Variants in ASIC2 observed in about 807,000 individuals in gnomAD.
The protein encoded by ASIC2 is acid sensing ion channel subunit 2, also known as acid-sensing ion channel 2.
Under a neutral mutation model 57.3 loss-of-function variants are expected in ASIC2, and 25 were observed. That is an observed-to-expected ratio of 0.44 (90% CI 0.32 to 0.61). The LOEUF (loss-of-function observed/expected upper bound fraction) is 0.61, where lower values mean the gene tolerates loss of function less well. Among genes scored for constraint, ASIC2 ranks in the 20% least tolerant of loss-of-function variants. The pLI, the probability that ASIC2 is intolerant of heterozygous loss-of-function variation, is 0.06. For synonymous variants in ASIC2, 319 were observed against 307.5 expected, an observed-to-expected ratio of 1.04 and a Z score of -0.39; for missense variants, 641 against 738.1, an observed-to-expected ratio of 0.87 and a Z score of 1.52.
At chr17:34,060,115 G>A (rs1485899621) in intron 1 of ASIC2, among the ~76,000 whole-genome samples, 1 of 152,158 alleles carries the variant, frequency 6.6e-6, no homozygotes, top group Non-Finnish European at 1.5e-5. Context: ...ACCTCCACCA[G>A]AACAGGTGCT....
At chr17:33,971,529 C>T (rs941691390) in intron 1 of ASIC2, among the ~76,000 whole-genome samples, 45 of 152,162 alleles carry the variant, frequency 3.0e-4, no homozygotes, top group African/African-American at 1.0e-3. Flanking sequence ...GCATAATGAA[C>T]ATTCCTCTGA....
intron 1 of ASIC2, among the ~76,000 whole-genome samples, chr17:33,645,256 T>C (rs1048937311): frequency 6.6e-6 from 1 of 152,186 alleles, no homozygotes; most frequent in African/African-American, 2.4e-5. Context: ...CCTAATTCAG[T>C]GCTCCTTCTA....
At chr17:33,121,807 C>T (rs1415628570) in intron 1 of ASIC2, among the ~76,000 whole-genome samples, 1 of 152,176 alleles carries the variant, frequency 6.6e-6, no homozygotes, top group Non-Finnish European at 1.5e-5. Flanking sequence ...TTAGCTTTCA[C>T]AGAGTGGATA....
In ASIC2 at chr17:33,427,635, G is replaced by A. The variant is rs116203053; in HGVS notation, c.556-315568C>T. Among the ~76,000 whole-genome samples the A allele has an allele frequency of 3.5e-3, 530 of 152,222 alleles. 7 individuals are homozygous for A. Among genetic ancestry groups the A allele is most frequent in the African/African-American group, 0.012 (495 of 41,524 alleles). ...ATCTATTAAAGGGGAAATGTCCCAG[G>A]GAGGCTCACTCTTTGAGCTAAGCAA... is the stretch of plus-strand genomic sequence containing the variant. On this transcript the variant is annotated intron_variant, in intron 1 of 9. Transcript: ENST00000359872.
chr17:33,900,565 A>T (rs1008539660), intron 1 of ASIC2, among the ~76,000 whole-genome samples: 21 of 152,172 alleles, frequency 1.4e-4, no homozygotes, highest in East Asian at 5.8e-4. Flanking sequence ...GTAAAAAAAA[A>T]TTTTTTAATC....
rs141484075 is a variant in ASIC2, at chr17:33,167,983, T to C, written c.709-55916A>G. On this transcript the variant is annotated intron_variant, in intron 1 of 9. Transcript: ENST00000225823. ...GAGCATTTAAGAGGTAATTACACTATGAGGGCTCTGCCCTCATTAAATGCA... is the reference window on the plus strand; with the variant it reads ...GAGCATTTAAGAGGTAATTACACTACGAGGGCTCTGCCCTCATTAAATGCA... Among the ~76,000 whole-genome samples the C allele has an allele frequency of 1.3e-3, 198 of 152,382 alleles. 1 individual carries two copies. The highest frequency in any genetic ancestry group is 3.5e-3 in the South Asian group (17 of 4,828).
intron 1 of ASIC2, among the ~76,000 whole-genome samples, chr17:33,260,939 A>G (rs1469449803): frequency 6.6e-6 from 1 of 152,130 alleles, no homozygotes; most frequent in African/African-American, 2.4e-5. Context: ...TTCGATAGGA[A>G]CCACCTCTTC....
chr17:33,139,935 G>A (rs932899189), intron 1 of ASIC2, among the ~76,000 whole-genome samples: 4 of 152,190 alleles, frequency 2.6e-5, no homozygotes, highest in Non-Finnish European at 4.4e-5. Context: ...GGACTAACAC[G>A]TTTTGCCCCA....
chr17:33,812,441 G>T (rs1186868206), intron 1 of ASIC2, among the ~76,000 whole-genome samples: 1 of 152,148 alleles, frequency 6.6e-6, no homozygotes, highest in African/African-American at 2.4e-5. Flanking sequence ...GGAGAGGAGA[G>T]CAAGACAATA....
intron 1 of ASIC2, among the ~76,000 whole-genome samples, chr17:33,648,143 G>C (rs1906804142): frequency 6.6e-6 from 1 of 152,192 alleles, no homozygotes; most frequent in Non-Finnish European, 1.5e-5. Flanking sequence ...GATGAACAGA[G>C]TCCAGTGGAG....
chr17:33,165,093 C>T (rs1905268809), intron 1 of ASIC2, among the ~76,000 whole-genome samples: 1 of 152,212 alleles, frequency 6.6e-6, no homozygotes, highest in African/African-American at 2.4e-5. Context: ...AGAACCTGGA[C>T]ACTGGCTCAG....
chr17:33,859,739 G>A (rs1322081632), intron 1 of ASIC2, among the ~76,000 whole-genome samples: 1 of 152,156 alleles, frequency 6.6e-6, no homozygotes. Context: ...AGAGTGCAGT[G>A]GTGTGATCAT....
At chr17:33,340,484 A>G (rs1049991466) in intron 1 of ASIC2, among the ~76,000 whole-genome samples, 2 of 152,192 alleles carry the variant, frequency 1.3e-5, no homozygotes, top group African/African-American at 4.8e-5. Flanking sequence ...CAAGTGCTCA[A>G]TAAATGCTCT....
intron 1 of ASIC2, among the ~76,000 whole-genome samples, chr17:33,615,174 T>C (rs1905557958): frequency 6.6e-6 from 1 of 152,228 alleles, no homozygotes; most frequent in African/African-American, 2.4e-5. Context: ...AAAACTTTTC[T>C]AACTATGGAA....
At chr17:33,956,352 A>C (rs2141988608) in intron 1 of ASIC2, among the ~76,000 whole-genome samples, 1 of 152,296 alleles carries the variant, frequency 6.6e-6, no homozygotes, top group East Asian at 1.9e-4. Context: ...CACAAGTCTA[A>C]GTTCTTTCAT....
chr17:33,027,285 G>C (rs1254227079), intron 4 of ASIC2, among the ~76,000 whole-genome samples: 1 of 152,192 alleles, frequency 6.6e-6, no homozygotes, highest in Non-Finnish European at 1.5e-5. Flanking sequence ...ACTCTGATTA[G>C]ATTTGGGCCC....
chr17:33,418,024 A>G (rs7216320), intron 1 of ASIC2, among the ~76,000 whole-genome samples: 118 of 110,356 alleles, frequency 1.1e-3, no homozygotes, highest in African/African-American at 3.2e-3. Flanking sequence ...CTCAGCATGT[A>G]TGTATGTGTG....
At chr17:33,733,354 T>C (rs1441668653) in intron 1 of ASIC2, among the ~76,000 whole-genome samples, 1 of 152,118 alleles carries the variant, frequency 6.6e-6, no homozygotes, top group East Asian at 1.9e-4. Context: ...CCTTTCTCCC[T>C]GTGTGTGTGT....
chr17:33,382,796 C>T (rs541893674), intron 1 of ASIC2, among the ~76,000 whole-genome samples: 1 of 152,300 alleles, frequency 6.6e-6, no homozygotes, highest in Admixed American at 6.5e-5. Flanking sequence ...ACAAAATACT[C>T]AGTACATGTT....
Sources: gnomAD v4.1 joint callset for allele counts (sites outside exome capture counted in the v4.1 genomes callset) on GRCh38, gnomAD v4.1.1 for gene constraint, MANE v1.5 for transcripts, NCBI Gene and HGNC (gene_info 2026-07-23, HGNC 2026-07-21) for gene names.